GLIS1: variants seen among roughly 807,000 people sequenced by gnomAD.
GLIS1 encodes the protein zinc finger protein GLIS1.
In GLIS1, 24 loss-of-function variants were observed where a neutral mutation model predicts 63.8. That is an observed-to-expected ratio of 0.38 (90% CI 0.27 to 0.53). GLIS1 has a LOEUF of 0.53. GLIS1 is among the 20% of genes least tolerant of loss of function. The pLI is 0.85. For missense variants in GLIS1, 1,036 were observed against 1,074.1 expected, an observed-to-expected ratio of 0.96 and a Z score of 0.50; for synonymous variants, 450 against 482.5, an observed-to-expected ratio of 0.93 and a Z score of 0.88.
chr1:53,738,058 A>G lies in GLIS1; in HGVS notation c.7T>C (p.Cys3Arg), dbSNP rs548778492. 26 of 1,230,330 alleles carry G rather than the reference A, an allele frequency of 2.1e-5. No homozygotes were observed. The East Asian group carries it at 7.9e-4, about 37-fold the overall frequency. 76.2% of individuals were successfully genotyped at this position (1,230,330 alleles called of 1,614,324 possible). A position where few individuals can be genotyped will look rare whatever the true frequency, so the allele number is the denominator to read the frequency against. MHCEVAEAHSDKR... is the reference protein window; with the variant it reads MHREVAEAHSDKR... ...TCCGAGTGTGCCTCAGCCACCTCGCAATGCATGGCGCCGGGGCGGGGCGCA... is the reference window on the plus strand; with the variant it reads ...TCCGAGTGTGCCTCAGCCACCTCGCGATGCATGGCGCCGGGGCGGGGCGCA... The change falls in exon 2 of 11, where the codon TGC becomes CGC. Residue 3 changes from cysteine to arginine, a missense_variant. Physicochemically the swap from Cys to Arg is radical, Grantham distance 180. This residue lies in a region of GLIS1 where 592 missense variants were observed against 593.9 expected (regional missense o/e 1.00). Coordinates refer to ENST00000628545, the MANE Select transcript of GLIS1 (RefSeq NM_001367484.1).
intron 2 of GLIS1, among the ~76,000 whole-genome samples, chr1:53,624,493 A>G (rs149100181): frequency 2.0e-5 from 3 of 152,314 alleles, no homozygotes; most frequent in African/African-American, 7.2e-5. Context: ...AAAAAGCAGG[A>G]AACATTTTAA....
At chr1:53,661,369 T>C (rs77887962) in intron 2 of GLIS1, among the ~76,000 whole-genome samples, 3,784 of 152,294 alleles carry the variant, frequency 0.025, 135 homozygotes, top group African/African-American at 0.085. Context: ...AGAGGCAGGC[T>C]GGGCCCATCA....
intron 2 of GLIS1, among the ~76,000 whole-genome samples, chr1:53,601,481 T>C (rs4926605): frequency 0.8 from 122,433 of 152,144 alleles, 54,047 homozygotes; most frequent in Non-Finnish European, 0.99. Flanking sequence ...TGGAACATGA[T>C]TGACTCCTTA....
rs79938582 is a variant in GLIS1, at chr1:53,659,875, T to C, written c.260-59597A>G. Among the ~76,000 whole-genome samples the C allele has an allele frequency of 8.5e-3, 1,289 of 152,322 alleles. 29 individuals carry two copies. The highest frequency in any genetic ancestry group is 0.03 in the African/African-American group (1,251 of 41,570). On this transcript the variant is annotated intron_variant, in intron 2 of 10. Transcript: ENST00000628545. ...AGTAGTTAGAACATCCCATTGTGCT[T>C]CAAGGGCTCAATAAAGGTAGATGTT... is the stretch of plus-strand genomic sequence containing the variant.
chr1:53,554,864 C>A (rs1315555205), intron 4 of GLIS1, among the ~76,000 whole-genome samples: 1 of 152,230 alleles, frequency 6.6e-6, no homozygotes, highest in Admixed American at 6.5e-5. Context: ...CTGAAGGACA[C>A]TGTCCTCCTC....
chr1:53,559,928 C>T (rs2100435448), intron 4 of GLIS1, among the ~76,000 whole-genome samples: 1 of 152,230 alleles, frequency 6.6e-6, no homozygotes, highest in East Asian at 1.9e-4. Flanking sequence ...ACACACAGCC[C>T]CCTACCTCTG....
chr1:53,549,717 AAAC>A (rs1012923868), intron 4 of GLIS1, among the ~76,000 whole-genome samples: 1 of 152,250 alleles, frequency 6.6e-6, no homozygotes, highest in African/African-American at 2.4e-5. Context: ...TTTTGAGCTG[AAAC>A]AACAACAGCT....
At chr1:53,670,358 G>A (rs1350991676) in intron 2 of GLIS1, among the ~76,000 whole-genome samples, 1 of 152,148 alleles carries the variant, frequency 6.6e-6, no homozygotes, top group African/African-American at 2.4e-5. Flanking sequence ...CCAATCTGAT[G>A]CCCCGCTTTT....
At chr1:53,659,960 C>A (rs1397776681) in intron 2 of GLIS1, among the ~76,000 whole-genome samples, 6 of 152,182 alleles carry the variant, frequency 3.9e-5, no homozygotes, top group Admixed American at 3.9e-4. Context: ...CCTGCTCCCT[C>A]CTGGCTGGGT....
intron 2 of GLIS1, among the ~76,000 whole-genome samples, chr1:53,678,231 A>C (rs1646235665): frequency 6.6e-6 from 1 of 151,596 alleles, no homozygotes; most frequent in Admixed American, 6.6e-5. Context: ...GCTGAGCTGC[A>C]GCTCGCCGCA....
chr1:53,659,345 G>A (rs1369252286), intron 2 of GLIS1, among the ~76,000 whole-genome samples: 1 of 152,172 alleles, frequency 6.6e-6, no homozygotes, highest in African/African-American at 2.4e-5. Context: ...TCCAGCCCTG[G>A]GGTGAGCTGC....
At chr1:53,570,139 T>C (rs924493418) in intron 4 of GLIS1, among the ~76,000 whole-genome samples, 1 of 152,034 alleles carries the variant, frequency 6.6e-6, no homozygotes, top group East Asian at 1.9e-4. Context: ...TGAGTTGAGA[T>C]CTTACTCCAT....
At chr1:53,604,115 C>G (rs1645346161) in intron 2 of GLIS1, among the ~76,000 whole-genome samples, 1 of 152,220 alleles carries the variant, frequency 6.6e-6, no homozygotes, top group Non-Finnish European at 1.5e-5. Flanking sequence ...GGCATGAGGC[C>G]TAGCTCACAG....
intron 2 of GLIS1, among the ~76,000 whole-genome samples, chr1:53,691,901 G>A (rs1350356504): frequency 6.6e-6 from 1 of 152,110 alleles, no homozygotes; most frequent in East Asian, 1.9e-4. Context: ...TGAAAGCATA[G>A]AGAGATGTAT....
chr1:53,673,219 T>A (rs1646174217), intron 2 of GLIS1, among the ~76,000 whole-genome samples: 1 of 152,186 alleles, frequency 6.6e-6, no homozygotes, highest in South Asian at 2.1e-4. Flanking sequence ...CCACAGAATT[T>A]TTGTTGTTGT....
chr1:53,506,858 C>T (rs953848821), intron 10 of GLIS1, 82 bp from the exon 11 acceptor site: 114 of 1,378,266 alleles, frequency 8.3e-5, no homozygotes, highest in Non-Finnish European at 9.8e-5. Context: ...GGCCCCACCC[C>T]GCCTGCCCAG....
At position 53,688,095 on chromosome 1, in the gene GLIS1, C is replaced by T. The variant is rs143192811; in HGVS notation, c.259+49711G>A. Among the ~76,000 whole-genome samples, 627 of 152,324 alleles carry T rather than the reference C, an allele frequency of 4.1e-3. 4 individuals are homozygous for T. Among genetic ancestry groups the T allele is most frequent in the Admixed American group, 6.5e-3 (100 of 15,308 alleles). ...AGGCCAGACTGGCCCTGCCCCAGCG[C>T]GTTTCCTGCTCGGCAGGCTCTGGCC... On this transcript the variant is annotated intron_variant, in intron 2 of 10. Transcript: ENST00000628545.
chr1:53,586,778 G>A (rs1645140731), intron 4 of GLIS1, among the ~76,000 whole-genome samples: 1 of 152,212 alleles, frequency 6.6e-6, no homozygotes, highest in Non-Finnish European at 1.5e-5. Context: ...CCAATGTTGT[G>A]ACTTCATGGG....
chr1:53,667,524 G>A lies in GLIS1; in HGVS notation c.260-67246C>T, dbSNP rs182568999. The stretch of plus-strand genomic sequence containing the variant: ...TTCCTTGGTCCTGGTCTGGCCCCAA[G>A]GTCCATTCCCAACCTTGACACTGAG... On this transcript the variant is annotated intron_variant, in intron 2 of 10. Coordinates refer to ENST00000628545, the MANE Select transcript of GLIS1 (RefSeq NM_001367484.1). Among the ~76,000 whole-genome samples, 405 of 152,304 alleles carry A rather than the reference G, an allele frequency of 2.7e-3. 1 individual carries two copies. Among genetic ancestry groups the A allele is most frequent in the Non-Finnish European group, 3.9e-3 (265 of 68,036 alleles).
Sources: allele counts gnomAD v4.1 joint callset (sites outside exome capture counted in the v4.1 genomes callset), GRCh38; gene constraint gnomAD v4.1.1; regional missense constraint gnomAD v4.1.1; transcripts MANE v1.5; gene names NCBI Gene and HGNC (gene_info 2026-07-23, HGNC 2026-07-21).